Variants in USP39 observed in about 807,000 individuals in gnomAD.
USP39 encodes ubiquitin carboxyl-terminal hydrolase 39.
A neutral mutation model predicts 66.4 loss-of-function variants in USP39; 38 were observed. The observed-to-expected ratio is 0.57, with a 90% CI of 0.44 to 0.75. The LOEUF is 0.75. Among genes scored for constraint, USP39 ranks in the 30% least tolerant of loss-of-function variants. USP39 has a pLI of 0.00. For missense variants in USP39, 608 were observed against 714.4 expected, an observed-to-expected ratio of 0.85 and a Z score of 1.70; for synonymous variants, 303 against 274.6, an observed-to-expected ratio of 1.10 and a Z score of -1.02.
upstream of USP39, chr2:85,609,687 T>G (rs149877994): frequency 5.0e-5 from 73 of 1,460,440 alleles, no homozygotes; most frequent in African/African-American, 8.1e-4. Flanking sequence ...AAAGCCCCAG[T>G]CTTCTTTTTT....
chr2:85,639,453 T>C, intron 9 of USP39, 62 bp downstream of exon 9: 1 of 1,455,870 alleles, frequency 6.9e-7, no homozygotes, highest in African/African-American at 1.5e-5. Context: ...TTTTTCATTT[T>C]CTTTTTTTTT....
intron 6 of USP39, among the ~76,000 whole-genome samples, chr2:85,632,034 G>T (rs1021646326): frequency 6.6e-6 from 1 of 152,076 alleles, no homozygotes; most frequent in Non-Finnish European, 1.5e-5. Flanking sequence ...GAGCCACTGC[G>T]CCCGGCCTCT....
intron 8 of USP39, among the ~76,000 whole-genome samples, chr2:85,638,131 C>T (rs1675928640): frequency 6.6e-6 from 1 of 152,132 alleles, no homozygotes; most frequent in Non-Finnish European, 1.5e-5. Flanking sequence ...AAACCATTCT[C>T]CTGCCTCAGC....
At chr2:85,604,099 CAG>C (rs1673121515) in intron 1 of USP39, among the ~76,000 whole-genome samples, 1 of 152,196 alleles carries the variant, frequency 6.6e-6, no homozygotes, top group African/African-American at 2.4e-5. Context: ...TGTGAAACAA[CAG>C]GGTCCTGTGC....
chr2:85,611,919 G>A (rs1208211339), upstream of USP39: 1 of 1,590,164 alleles, frequency 6.3e-7, no homozygotes, highest in East Asian at 2.3e-5. Context: ...CGAAGCCGTG[G>A]TTCATGTCCA....
Position 85,630,799 on chromosome 2 carries a change from G to C in USP39, c.802G>C (p.Asp268His), listed in dbSNP as rs898859767. The C allele has an allele frequency of 6.2e-7, 1 of 1,614,046 alleles. No individual in the cohort carries two copies. Among genetic ancestry groups the C allele is most frequent in the Non-Finnish European group, 8.5e-7 (1 of 1,180,046 alleles). The change falls in exon 6 of 13, where the codon GAT (aspartate) becomes CAT (histidine). Residue 268 changes from aspartate (D) to histidine (H), a missense_variant. By Grantham distance (81) the Asp-to-His change is moderately conservative. This residue lies in a region of USP39 where 33 missense variants were observed against 21.7 expected (regional missense o/e 1.52). Coordinates refer to ENST00000323701, the MANE Select transcript of USP39 (RefSeq NM_006590.4). ...TAAGAACATCAAACGTCCTCCAGGG[G>C]ATATCATGTTCTTGTTGGTCCAGCG... Reference protein sequence around the residue: ...NYKNIKRPPGDIMFLLVQRFG... With the variant: ...NYKNIKRPPGHIMFLLVQRFG...
At chr2:85,631,051 G>C in intron 6 of USP39, 105 bp downstream of exon 6, 1 of 1,043,720 alleles carries the variant, frequency 9.6e-7, no homozygotes, top group South Asian at 1.6e-5. Flanking sequence ...GTCTCACTCT[G>C]TCACCCAGGC....
chr2:85,631,117 C>T (rs560006912), intron 6 of USP39, among the ~76,000 whole-genome samples, 171 bp downstream of exon 6: 62 of 151,948 alleles, frequency 4.1e-4, no homozygotes, highest in African/African-American at 1.5e-3. Context: ...AGGGTTCAAG[C>T]GATTCTCCCG....
At chr2:85,622,856 A>G (rs868636869) in intron 3 of USP39, among the ~76,000 whole-genome samples, 1 of 152,126 alleles carries the variant, frequency 6.6e-6, no homozygotes, top group Non-Finnish European at 1.5e-5. Flanking sequence ...CCACCTGGCT[A>G]ACATAGCAAG....
At chr2:85,628,433 C>T (rs1034198218) in intron 5 of USP39, among the ~76,000 whole-genome samples, 1 of 152,174 alleles carries the variant, frequency 6.6e-6, no homozygotes, top group Admixed American at 6.5e-5. Context: ...GTGTGAGCCA[C>T]CGCGCCCTGC....
intron 12 of USP39, among the ~76,000 whole-genome samples, chr2:85,648,473 AC>A (rs2104371933): frequency 6.6e-6 from 1 of 152,286 alleles, no homozygotes; most frequent in Admixed American, 6.5e-5. Flanking sequence ...CCCATGGAGC[AC>A]AGAGCATCTC....
upstream of USP39, chr2:85,616,159 T>G: frequency 7.2e-7 from 1 of 1,395,188 alleles, no homozygotes; most frequent in Non-Finnish European, 9.4e-7. Context: ...TCGAGCGTGC[T>G]TGGCGCCTGC....
intron 6 of USP39, among the ~76,000 whole-genome samples, chr2:85,632,959 A>T (rs969228969): frequency 1.3e-5 from 2 of 152,026 alleles, no homozygotes; most frequent in African/African-American, 4.8e-5. Flanking sequence ...GCAGAAGAGA[A>T]AAGTGCCTGG....
intron 1 of USP39, among the ~76,000 whole-genome samples, chr2:85,604,454 C>T (rs1258831885): frequency 1.3e-5 from 2 of 152,098 alleles, no homozygotes; most frequent in Non-Finnish European, 2.9e-5. Context: ...TCAGGTGATC[C>T]GCTCGCCTTG....
At chr2:85,635,377 T>C (rs1425823719) in intron 6 of USP39, among the ~76,000 whole-genome samples, 1 of 152,072 alleles carries the variant, frequency 6.6e-6, no homozygotes, top group African/African-American at 2.4e-5. Context: ...CTGGCCAACA[T>C]GGTGAAGCCC....
At chr2:85,637,222 T>A (rs576875140) in intron 7 of USP39, 147 bp from the exon 8 acceptor site, 2 of 751,740 alleles carry the variant, frequency 2.7e-6, no homozygotes, top group South Asian at 3.4e-5. Context: ...TGGTATATAG[T>A]ACAAAAGGAA....
intron 10 of USP39, among the ~76,000 whole-genome samples, chr2:85,644,487 A>G (rs1676491991): frequency 6.6e-6 from 1 of 152,334 alleles, no homozygotes; most frequent in Admixed American, 6.5e-5. Context: ...GCTGGAGTGC[A>G]ATAGTGTGGT....
chr2:85,638,608 G>A (rs1038526056), intron 8 of USP39, among the ~76,000 whole-genome samples: 3 of 150,160 alleles, frequency 2.0e-5, no homozygotes, highest in Non-Finnish European at 4.4e-5. Context: ...GCACTATCTC[G>A]GCTCACCGCA....
At chr2:85,623,367 G>A (rs987944987) in intron 3 of USP39, among the ~76,000 whole-genome samples, 22 of 149,024 alleles carry the variant, frequency 1.5e-4, no homozygotes, top group Admixed American at 5.4e-4. Context: ...ATATATATAG[G>A]TTATATATAT....
Sources: gnomAD v4.1 joint callset for allele counts (sites outside exome capture counted in the v4.1 genomes callset) on GRCh38, gnomAD v4.1.1 for gene constraint, gnomAD v4.1.1 regional missense constraint, MANE v1.5 for transcripts, NCBI Gene and HGNC (gene_info 2026-07-23, HGNC 2026-07-21) for gene names.